TASOR2: variants seen among roughly 807,000 people sequenced by gnomAD.
TASOR2 encodes the protein transcription activation suppressor family member 2.
In TASOR2, 84 loss-of-function variants were observed where a neutral mutation model predicts 199.5. The ratio of observed to expected loss-of-function variants is 0.42; its 90% confidence interval spans 0.35 to 0.50. The LOEUF (loss-of-function observed/expected upper bound fraction) is 0.50. Ranked by LOEUF, TASOR2 falls within the 20% of genes least tolerant of loss-of-function variation. TASOR2 has a pLI of 0.02. For missense variants in TASOR2, 2,796 were observed against 2,835.9 expected (o/e 0.99, Z 0.32); for synonymous variants, 1,103 against 1,046.6 (o/e 1.05, Z -1.04).
At chr10:5,700,512 C>A (rs1252766597) in intron 1 of TASOR2, among the ~76,000 whole-genome samples, 2 of 152,068 alleles carry the variant, frequency 1.3e-5, no homozygotes, top group African/African-American at 4.8e-5. Context: ...GCTCTGTACT[C>A]TTTTCCATAG....
chr10:5,747,007 G>C, exon 15 of TASOR2: 2 of 1,614,134 alleles, frequency 1.2e-6, no homozygotes, highest in Non-Finnish European at 1.7e-6. Context: ...CCTATCTTCA[G>C]AAGGGCTTCT....
intron 2 of TASOR2, chr10:5,714,205 A>G: frequency 3.2e-6 from 4 of 1,231,696 alleles, no homozygotes; most frequent in Non-Finnish European, 4.1e-6. Flanking sequence ...GATCCAGCCA[A>G]AGGTAAGTCC....
intron 19 of TASOR2, among the ~76,000 whole-genome samples, chr10:5,762,070 A>G (rs1839933842): frequency 6.6e-6 from 1 of 152,026 alleles, no homozygotes; most frequent in Admixed American, 6.6e-5. Context: ...GAGCCCAGGA[A>G]TTTGAGGCCA....
chr10:5,724,604 T>G, intron 8 of TASOR2, 71 bp downstream of exon 9: 1 of 218,806 alleles, frequency 4.6e-6, no homozygotes, highest in Non-Finnish European at 7.7e-6. Flanking sequence ...TGTGCCTAGA[T>G]GGCACATATA....
At chr10:5,733,531 T>C (rs1564317233) in intron 11 of TASOR2, among the ~76,000 whole-genome samples, 2 of 152,180 alleles carry the variant, frequency 1.3e-5, no homozygotes, top group South Asian at 2.1e-4. Context: ...TTGTGACACA[T>C]TGAATTTATT....
chr10:5,694,682 G>A (rs1023162962), intron 1 of TASOR2, among the ~76,000 whole-genome samples: 3 of 152,280 alleles, frequency 2.0e-5, no homozygotes, highest in East Asian at 3.9e-4. Context: ...TTTGGATTAA[G>A]TATGGTAAAA....
chr10:5,693,196 T>A (rs1261146429), intron 1 of TASOR2, among the ~76,000 whole-genome samples: 2 of 152,110 alleles, frequency 1.3e-5, no homozygotes, highest in African/African-American at 4.8e-5. Flanking sequence ...CACTCCTGAT[T>A]GTGAGTGGAT....
At chr10:5,712,836 A>C in exon 2 of TASOR2, 1 of 1,229,450 alleles carries the variant, frequency 8.1e-7, no homozygotes, top group Non-Finnish European at 1.0e-6. Flanking sequence ...AAAACTTTTT[A>C]CCAACAAAAA....
chr10:5,731,128 A>G lies in TASOR2; in HGVS notation c.1129A>G (p.Arg377Gly), dbSNP rs928815414. ...CCCCTTTCCCAAAAGAACTGCTTCC[A>G]GAGCAGACAACAGCTCGGACTCTCC... is the stretch of plus-strand genomic sequence containing the variant. The change falls in exon 11 of 21, where the codon AGA (arginine) becomes GGA (glycine). Residue 377 changes from arginine to glycine, a missense_variant. Physicochemically the swap from Arg to Gly is moderately radical, Grantham distance 125. This residue lies in a region of TASOR2 where 847 missense variants were observed against 887.4 expected (regional missense o/e 0.95). Transcript: ENST00000328090. The G allele has an allele frequency of 7.4e-6, 12 of 1,612,650 alleles. No homozygotes were observed. The highest frequency in any genetic ancestry group is 1.7e-5 in the Admixed American group (1 of 60,000).
chr10:5,745,493 T>G (rs1221131403), intron 14 of TASOR2, among the ~76,000 whole-genome samples: 3 of 152,162 alleles, frequency 2.0e-5, no homozygotes, highest in Non-Finnish European at 4.4e-5. Context: ...AAAAATTATC[T>G]TTTAGGCTGG....
In TASOR2 at chr10:5,699,778, A is replaced by G. The variant is rs1837574915; in HGVS notation, c.-287-13045A>G. The G allele has an allele frequency of 2.2e-6, 2 of 893,276 alleles. No individual in the cohort carries two copies. Among genetic ancestry groups the G allele is most frequent in the Non-Finnish European group, 2.7e-6 (2 of 745,976 alleles). 55.3% of individuals were successfully genotyped at this position (893,276 alleles called of 1,614,324 possible). A position where few individuals can be genotyped will look rare whatever the true frequency, so the allele number is the denominator to read the frequency against. The stretch of plus-strand genomic sequence containing the variant: ...CACAATTTTGATAATGCAAAGAAAG[A>G]AAACAAAAGATAGACAGGAGAAAAA... On this transcript the variant is annotated intron_variant, in intron 1 of 20. Coordinates refer to ENST00000328090, the Ensembl canonical transcript of TASOR2. The surrounding 1 kb of genome is among the most constrained non-coding windows in gnomAD (Gnocchi z 4.1).
chr10:5,690,243 T>G lies in TASOR2; in HGVS notation c.-288+5068T>G, dbSNP rs1836274644. On this transcript the variant is annotated intron_variant, in intron 1 of 20. Transcript: ENST00000328090. The surrounding 1 kb of genome is among the most constrained non-coding windows in gnomAD (Gnocchi z 4.8). The stretch of plus-strand genomic sequence containing the variant: ...TTTTTAATTTGCTTTTTAAAATTAC[T>G]GTTTTTATCATAAGAAATGTATCTG... 6.6e-6 allele frequency among the ~76,000 whole-genome samples: 1 copy of G among 152,256 alleles called. No individual in the cohort carries two copies. The highest frequency in any genetic ancestry group is 6.5e-5 in the Admixed American group (1 of 15,288).
rs116434335 is a variant in TASOR2 at position 5,751,319 on chromosome 10, T to G, written c.6606+1292T>G. ...TCTGAATCAGTTATTACTATGATGA[T>G]TGCCAAATAGTGATACTGAAATTCC... On this transcript the variant is annotated intron_variant, in intron 15 of 20. Transcript: ENST00000328090. This position sits in a 1 kb window ranked among gnomAD's most constrained non-coding sequence, Gnocchi z 5.3. 6.7e-3 allele frequency among the ~76,000 whole-genome samples: 1,027 copies of G among 152,354 alleles called. 18 individuals carry two copies. Among genetic ancestry groups the G allele is most frequent in the African/African-American group, 0.024 (980 of 41,580 alleles).
rs1832304172 is a variant in TASOR2, at chr10:5,714,215, C to T, written c.-192+1297C>T. The T allele has an allele frequency of 4.9e-6, 6 of 1,230,172 alleles. No homozygotes were observed. Among genetic ancestry groups the T allele is most frequent in the Admixed American group, 4.2e-5 (1 of 23,668 alleles). The allele number at this position is 1,230,172 out of a possible 1,614,324, so 76.2% of individuals were successfully genotyped here. A position where few individuals can be genotyped will look rare whatever the true frequency, so the allele number is the denominator to read the frequency against. On this transcript the variant is annotated intron_variant, in intron 2 of 20. Coordinates refer to ENST00000328090, the Ensembl canonical transcript of TASOR2. ...TGGGTGATCCAGCCAAAGGTAAGTC[C>T]GTAAAGCAAAAAGAATCTTAAAAAA...
In TASOR2 at chr10:5,746,176, C is replaced by A; in HGVS notation, c.2758-3C>A. 1.4e-6 allele frequency: 2 copies of A among 1,473,022 alleles called. No individual in the cohort carries two copies. Among genetic ancestry groups the A allele is most frequent in the South Asian group, 1.5e-5 (1 of 67,036 alleles). The allele number at this position is 1,473,022 out of a possible 1,614,324, so 91.2% of individuals were successfully genotyped here. ...TTTTTTTTTTTTACTTTGGCCGTTTCAGGTAACTGGGGAAGAAGCTAAACA... is the reference window on the plus strand; with the variant it reads ...TTTTTTTTTTTTACTTTGGCCGTTTAAGGTAACTGGGGAAGAAGCTAAACA... On this transcript the variant is annotated splice_polypyrimidine_tract_variant and splice_region_variant and intron_variant, in intron 14 of 20. Coordinates refer to ENST00000328090, the Ensembl canonical transcript of TASOR2.
intron 1 of TASOR2, among the ~76,000 whole-genome samples, chr10:5,697,071 TGAA>T (rs1227522447): frequency 6.6e-6 from 1 of 152,184 alleles, no homozygotes; most frequent in African/African-American, 2.4e-5. Flanking sequence ...GTCCCAGAAC[TGAA>T]GAAGGTGACT....
At position 5,748,441 on chromosome 10, in the gene TASOR2, A is replaced by G. The variant is rs534919630; in HGVS notation, c.5020A>G (p.Ile1674Val). The change falls in exon 15 of 21, where the codon ATA (isoleucine) becomes GTA (valine). Residue 1674 changes from isoleucine (I) to valine (V), a missense_variant. Coordinates refer to ENST00000328090, the Ensembl canonical transcript of TASOR2. This position sits in a 1 kb window ranked among gnomAD's most constrained non-coding sequence, Gnocchi z 5.1. ...TACATTAACCCATTATGTAAGACCA[A>G]TAAATGCAGAGCCAGTGTTTCAAGC... is the stretch of plus-strand genomic sequence containing the variant. The G allele has an allele frequency of 5.6e-6, 9 of 1,614,226 alleles. No individual in the cohort carries two copies. Among genetic ancestry groups the G allele is most frequent in the African/African-American group, 5.3e-5 (4 of 75,058 alleles).
In TASOR2 at chr10:5,689,755, A is replaced by G. The variant is rs986340705; in HGVS notation, c.-288+4580A>G. On this transcript the variant is annotated intron_variant, in intron 1 of 20. Transcript: ENST00000328090. The surrounding 1 kb of genome is among the most constrained non-coding windows in gnomAD (Gnocchi z 4.1). ...TAATGTATAAATAATTTTTTAAATT[A>G]TCTACATAGTAAATATTCTCTTCTG... 6.6e-6 allele frequency among the ~76,000 whole-genome samples: 1 copy of G among 152,258 alleles called. No individual in the cohort carries two copies. The highest frequency in any genetic ancestry group is 2.4e-5 in the African/African-American group (1 of 41,472).
chr10:5,746,073 A>G, intron 14 of TASOR2, 106 bp from the exon 16 acceptor site: 2 of 1,283,558 alleles, frequency 1.6e-6, no homozygotes, highest in East Asian at 2.5e-5. Context: ...AACATTCACA[A>G]ACTAAAATTA....
Sources: gnomAD v4.1 joint callset for allele counts (sites outside exome capture counted in the v4.1 genomes callset) on GRCh38, gnomAD v4.1.1 for gene constraint, gnomAD v4.1.1 regional missense constraint, Gnocchi (gnomAD v3.1) non-coding constraint, MANE v1.5 for transcripts, NCBI Gene and HGNC (gene_info 2026-07-23, HGNC 2026-07-21) for gene names.